NGLY1: variants seen among roughly 807,000 people sequenced by gnomAD.
The protein encoded by NGLY1 is N-glycanase 1.
A neutral mutation model predicts 84.6 loss-of-function variants in NGLY1; 68 were observed. The observed-to-expected ratio is 0.80, with a 90% CI of 0.66 to 0.98. NGLY1 has a LOEUF of 0.98. Among genes scored for constraint, NGLY1 ranks in the 50% least tolerant of loss-of-function variants. The pLI is 0.00. For missense variants in NGLY1, 779 were observed against 770.2 expected, an observed-to-expected ratio of 1.01 and a Z score of -0.14; for synonymous variants, 280 against 275.2, an observed-to-expected ratio of 1.02 and a Z score of -0.17.
In NGLY1 at chr3:25,739,697, C is replaced by T. The variant is rs748897361; in HGVS notation, c.761G>A (p.Gly254Asp). ...WVNNVLCSKC[G>D]GQTRSRDRSL... ...TCTATCTCTAGACCTAGTCTGTCCA[C>T]CACATTTGCTGCACAAAACGTTATT... is the stretch of plus-strand genomic sequence containing the variant. Residue 254 changes from glycine (G) to aspartate (D), a missense_variant, in exon 5 of 12, where the codon GGT (glycine) becomes GAT (aspartate). Physicochemically the swap from Gly to Asp is moderately conservative, Grantham distance 94. Transcript: ENST00000280700. The T allele has an allele frequency of 1.9e-6, 3 of 1,614,100 alleles. No homozygotes were observed. Among genetic ancestry groups the T allele is most frequent in the South Asian group, 2.2e-5 (2 of 91,086 alleles).
chr3:25,737,550 T>A, intron 5 of NGLY1, 95 bp from the exon 6 acceptor site: 1 of 1,256,678 alleles, frequency 8.0e-7, no homozygotes, highest in Non-Finnish European at 1.1e-6. Flanking sequence ...TTTAATTTTT[T>A]TTTTTTTTTT....
intron 4 of NGLY1, among the ~76,000 whole-genome samples, chr3:25,744,093 T>C (rs990819603): frequency 6.6e-6 from 1 of 152,182 alleles, no homozygotes; most frequent in Non-Finnish European, 1.5e-5. Context: ...AACTTATCAG[T>C]GACAAAATAA....
chr3:25,764,254 G>T lies in NGLY1; in HGVS notation c.304C>A (p.Arg102Ser). The change falls in exon 3 of 12, where the codon CGT (arginine) becomes AGT (serine). Residue 102 changes from arginine to serine, a missense_variant. Physicochemically the swap from Arg to Ser is moderately radical, Grantham distance 110. Coordinates refer to ENST00000280700, the MANE Select transcript of NGLY1 (RefSeq NM_018297.4). ...KASVEQLQKI[R>S]DLIAIERSSR... ...CTTCTCTCTATGGCAATCAGGTCACGAATTTTTTGCAGCTGCTCCACTGAA... is the reference window on the plus strand; with the variant it reads ...CTTCTCTCTATGGCAATCAGGTCACTAATTTTTTGCAGCTGCTCCACTGAA... 6.2e-7 allele frequency: 1 copy of T among 1,614,000 alleles called. No homozygotes were observed. Among genetic ancestry groups the T allele is most frequent in the Non-Finnish European group, 8.5e-7 (1 of 1,180,006 alleles).
At chr3:25,769,765 T>A (rs1260997613) in intron 2 of NGLY1, among the ~76,000 whole-genome samples, 2 of 152,180 alleles carry the variant, frequency 1.3e-5, no homozygotes, top group Non-Finnish European at 2.9e-5. Flanking sequence ...TTATGCTTAA[T>A]TTTTAAGCAT....
chr3:25,778,736 A>G (rs1384665261), intron 1 of NGLY1, 48 bp from the exon 2 acceptor site: 1 of 1,114,354 alleles, frequency 9.0e-7, no homozygotes, highest in Non-Finnish European at 1.3e-6. Context: ...ACCAGGTCAT[A>G]GTTCTTCAAA....
rs954345464 is a variant in NGLY1 at position 25,719,473 on chromosome 3, A to T, written c.1952T>A (p.Phe651Tyr). 6.2e-6 allele frequency: 10 copies of T among 1,613,512 alleles called. No individual in the cohort carries two copies. The highest frequency in any genetic ancestry group is 7.6e-6 in the Non-Finnish European group (9 of 1,179,702). ...EENCLEIIIK[F>Y]SDL is the part of the protein sequence containing the mutation. Reference sequence around the variant, plus strand: ...ATGTTCAGGTTCTCAAAGGTCACTGAATTTTATAATTATCTCCAAACAATT... The same window carrying T: ...ATGTTCAGGTTCTCAAAGGTCACTGTATTTTATAATTATCTCCAAACAATT... Residue 651 changes from phenylalanine (F) to tyrosine (Y), a missense_variant, in exon 12 of 12, where the codon TTC becomes TAC. Phe to Tyr is a conservative substitution (Grantham distance 22). Coordinates refer to ENST00000280700, the MANE Select transcript of NGLY1 (RefSeq NM_018297.4).
At chr3:25,749,835 C>A in intron 4 of NGLY1, 1 of 1,096,416 alleles carries the variant, frequency 9.1e-7, no homozygotes, top group Non-Finnish European at 1.4e-6. Flanking sequence ...GAAAGAGCCA[C>A]CCAGCTGGCC....
At chr3:25,749,389 T>C in intron 4 of NGLY1, 2 of 702,726 alleles carry the variant, frequency 2.8e-6, no homozygotes, top group Admixed American at 2.5e-5. Flanking sequence ...CAAAATGTGA[T>C]ATATACATAA....
At chr3:25,756,199 C>G (rs867200959) in intron 3 of NGLY1, among the ~76,000 whole-genome samples, 1 of 152,152 alleles carries the variant, frequency 6.6e-6, no homozygotes, top group Non-Finnish European at 1.5e-5. Flanking sequence ...AATTCCCCAA[C>G]TGAACTCCCT....
intron 9 of NGLY1, chr3:25,729,985 T>A (rs1237461863): frequency 6.6e-6 from 1 of 152,144 alleles, no homozygotes; most frequent in East Asian, 1.9e-4. Flanking sequence ...CTCCACATAC[T>A]GGATTCTTTC....
intron 7 of NGLY1, chr3:25,734,797 A>T: frequency 1.1e-6 from 1 of 940,160 alleles, no homozygotes; most frequent in Non-Finnish European, 1.3e-6. Context: ...TAAACAGTTG[A>T]TAGTTTAACC....
chr3:25,775,233 A>C (rs548959667), intron 2 of NGLY1, among the ~76,000 whole-genome samples: 1 of 152,286 alleles, frequency 6.6e-6, no homozygotes, highest in East Asian at 1.9e-4. Context: ...TCACGATGTG[A>C]GTTTCCAGGC....
chr3:25,772,408 T>C (rs1707937784), intron 2 of NGLY1, among the ~76,000 whole-genome samples: 1 of 152,216 alleles, frequency 6.6e-6, no homozygotes, highest in South Asian at 2.1e-4. Context: ...TGCCCCCCTT[T>C]GTCTTTTTTT....
At chr3:25,784,575 A>G (rs897817103), upstream of NGLY1, among the ~76,000 whole-genome samples, 1 of 152,154 alleles carries the variant, frequency 6.6e-6, no homozygotes, top group Non-Finnish European at 1.5e-5. Flanking sequence ...CAACCTCACG[A>G]AGTATTTTTC....
chr3:25,783,082 G>T lies in NGLY1; in HGVS notation c.131+178C>A. On this transcript the variant is annotated intron_variant, in intron 1 of 11. Coordinates refer to ENST00000280700, the MANE Select transcript of NGLY1 (RefSeq NM_018297.4). The surrounding 1 kb of genome is among the most constrained non-coding windows in gnomAD (Gnocchi z 4.5). ...CTCGAGCGGGGGTGGGACTTGGCCG[G>T]GTCCCGAGGCCCCTGGCCGGCGGGC... 1.7e-6 allele frequency: 1 copy of T among 575,032 alleles called. No homozygotes were observed. The allele number at this position is 575,032 out of a possible 1,614,324, so 35.6% of individuals were successfully genotyped here. A position where few individuals can be genotyped will look rare whatever the true frequency, so the allele number is the denominator to read the frequency against.
intron 2 of NGLY1, among the ~76,000 whole-genome samples, chr3:25,772,719 A>G (rs1707958801): frequency 6.6e-6 from 1 of 151,612 alleles, no homozygotes; most frequent in Non-Finnish European, 1.5e-5. Context: ...TTATTGTTTT[A>G]TAGGTTCTGT....
chr3:25,766,833 C>T lies in NGLY1; in HGVS notation c.247-2522G>A, dbSNP rs189274449. Among the ~76,000 whole-genome samples the T allele has an allele frequency of 2.1e-3, 314 of 152,262 alleles. 2 individuals carry two copies. Among genetic ancestry groups the T allele is most frequent in the African/African-American group, 7.1e-3 (296 of 41,532 alleles). ...ACAGGGCCCCAGTAAGACAGATACG[C>T]TGCTCATGCCATGCTCCCTTCCCTT... On this transcript the variant is annotated intron_variant, in intron 2 of 11. Coordinates refer to ENST00000280700, the MANE Select transcript of NGLY1 (RefSeq NM_018297.4).
At chr3:25,741,655 G>T (rs748725166) in intron 4 of NGLY1, among the ~76,000 whole-genome samples, 2 of 151,976 alleles carry the variant, frequency 1.3e-5, no homozygotes, top group Non-Finnish European at 2.9e-5. Context: ...CTACACTAAA[G>T]AACTCTGGGA....
intron 5 of NGLY1, among the ~76,000 whole-genome samples, chr3:25,738,998 C>T (rs780351815): frequency 1.3e-5 from 2 of 151,900 alleles, no homozygotes; most frequent in African/African-American, 2.4e-5. Context: ...TTAGGTTGGG[C>T]AGGGGAAGCA....
Sources: allele counts gnomAD v4.1 joint callset (sites outside exome capture counted in the v4.1 genomes callset), GRCh38; gene constraint gnomAD v4.1.1; non-coding constraint Gnocchi (gnomAD v3.1); transcripts MANE v1.5; gene names NCBI Gene and HGNC (gene_info 2026-07-23, HGNC 2026-07-21).